Variants in MED27 observed in about 807,000 individuals in gnomAD.
MED27 encodes mediator of RNA polymerase II transcription subunit 27.
Under a neutral mutation model 38.2 loss-of-function variants are expected in MED27, and 30 were observed. That is an observed-to-expected ratio of 0.79 (90% CI 0.59 to 1.07). The LOEUF (loss-of-function observed/expected upper bound fraction) is 1.07. Among genes scored for constraint, MED27 ranks in the 50% least tolerant of loss-of-function variants. The probability of loss-of-function intolerance (pLI) is 0.00; values close to 1 mark genes in which losing one functional copy is unlikely to be tolerated. For missense variants in MED27, 289 were observed against 397.5 expected (o/e 0.73, Z 2.32); for synonymous variants, 122 against 153.5 (o/e 0.79, Z 1.52).
rs1444170782 is a variant in MED27 at position 131,917,541 on chromosome 9, G to A, written c.573+21840C>T. Among the ~76,000 whole-genome samples the A allele has an allele frequency of 1.3e-5, 2 of 152,052 alleles. No individual in the cohort carries two copies. The highest frequency in any genetic ancestry group is 3.2e-3 in the Middle Eastern group (1 of 316). The stretch of plus-strand genomic sequence containing the variant: ...AGCAAGGGTTCAGACGACAGGAGAT[G>A]AGAGCAGTGAAGATGGGGTGGGGGG... On this transcript the variant is annotated intron_variant, in intron 4 of 7. Coordinates refer to ENST00000292035, the MANE Select transcript of MED27 (RefSeq NM_004269.4). The surrounding 1 kb of genome is among the most constrained non-coding windows in gnomAD (Gnocchi z 4.6).
chr9:132,038,823 G>A (rs1232375432), intron 2 of MED27, among the ~76,000 whole-genome samples: 1 of 152,194 alleles, frequency 6.6e-6, no homozygotes, highest in East Asian at 1.9e-4. Context: ...AAGGAGCTGA[G>A]GTGGGTGAGG....
At chr9:131,880,972 G>A (rs1480501775) in intron 6 of MED27, among the ~76,000 whole-genome samples, 4 of 151,566 alleles carry the variant, frequency 2.6e-5, no homozygotes, top group Non-Finnish European at 5.9e-5. Flanking sequence ...GTATTGGAAT[G>A]GAAATGGACC....
At chr9:132,019,041 G>T (rs141409723) in intron 2 of MED27, among the ~76,000 whole-genome samples, 74 of 152,284 alleles carry the variant, frequency 4.9e-4, no homozygotes, top group African/African-American at 1.7e-3. Flanking sequence ...CAAGGGGGTA[G>T]GGAGCCCCAC....
intron 6 of MED27, among the ~76,000 whole-genome samples, chr9:131,874,338 G>A (rs1224383069): frequency 6.6e-6 from 1 of 152,166 alleles, no homozygotes; most frequent in Non-Finnish European, 1.5e-5. Context: ...CCTATGACCA[G>A]ATGCCCCTGT....
At chr9:131,890,648 C>G (rs1839213133) in intron 5 of MED27, among the ~76,000 whole-genome samples, 1 of 152,230 alleles carries the variant, frequency 6.6e-6, no homozygotes, top group African/African-American at 2.4e-5. Context: ...CAGGACTGGG[C>G]TCCTACCGTG....
chr9:131,961,163 A>G (rs1831206796), intron 3 of MED27, among the ~76,000 whole-genome samples: 1 of 152,202 alleles, frequency 6.6e-6, no homozygotes. Flanking sequence ...TAACCCTCCA[A>G]AGTAAGTGAG....
intron 3 of MED27, among the ~76,000 whole-genome samples, chr9:132,010,299 C>T (rs1336976003): frequency 1.3e-5 from 2 of 152,208 alleles, no homozygotes; most frequent in Non-Finnish European, 2.9e-5. Context: ...CATCACTGGC[C>T]ATCAGAGAAA....
chr9:132,039,821 C>A (rs145131896), intron 2 of MED27, among the ~76,000 whole-genome samples: 1 of 152,174 alleles, frequency 6.6e-6, no homozygotes, highest in African/African-American at 2.4e-5. Flanking sequence ...GGTCCTGCCT[C>A]TAGGAGTTTC....
chr9:132,048,931 T>C (rs1833403497), intron 2 of MED27, among the ~76,000 whole-genome samples: 1 of 152,172 alleles, frequency 6.6e-6, no homozygotes, highest in Non-Finnish European at 1.5e-5. Flanking sequence ...GCTTAGTAAA[T>C]GAGAGATGTC....
rs1364551094 is a variant in MED27, at chr9:132,051,546, A to C, written c.348+25896T>G. Among the ~76,000 whole-genome samples, 1 of 152,222 alleles carries C rather than the reference A, an allele frequency of 6.6e-6. No individual in the cohort carries two copies. Among genetic ancestry groups the C allele is most frequent in the African/African-American group, 2.4e-5 (1 of 41,460 alleles). Reference sequence around the variant, plus strand: ...ACTGTGGAAATATGCACAGTGAAGGAAAAAAGGGTTAGGTCAAGCACTCAT... The same window carrying C: ...ACTGTGGAAATATGCACAGTGAAGGCAAAAAGGGTTAGGTCAAGCACTCAT... On this transcript the variant is annotated intron_variant, in intron 2 of 7. Transcript: ENST00000292035. The surrounding 1 kb of genome is among the most constrained non-coding windows in gnomAD (Gnocchi z 4.2).
At chr9:131,986,500 C>T (rs9411330) in intron 3 of MED27, among the ~76,000 whole-genome samples, 149,858 of 152,270 alleles carry the variant, frequency 0.98, 73,775 homozygotes, top group East Asian at 1. Flanking sequence ...TTTTACCTTT[C>T]ATACAGTATT....
intron 3 of MED27, among the ~76,000 whole-genome samples, chr9:131,998,491 G>T (rs958119138): frequency 6.6e-6 from 1 of 152,220 alleles, no homozygotes; most frequent in African/African-American, 2.4e-5. Flanking sequence ...AGGGTAGAAA[G>T]GAGATGCCTT....
intron 3 of MED27, among the ~76,000 whole-genome samples, chr9:131,985,282 A>C (rs1831825383): frequency 6.6e-6 from 1 of 152,150 alleles, no homozygotes; most frequent in African/African-American, 2.4e-5. Context: ...ATTTTACATA[A>C]TACACTAAAA....
At chr9:131,914,563 A>G (rs1183491215) in intron 4 of MED27, among the ~76,000 whole-genome samples, 1 of 152,236 alleles carries the variant, frequency 6.6e-6, no homozygotes, top group Non-Finnish European at 1.5e-5. Context: ...AACAGTCTCT[A>G]TCCTCACAGA....
intron 2 of MED27, among the ~76,000 whole-genome samples, chr9:132,030,696 C>T (rs1454781040): frequency 6.6e-6 from 1 of 152,136 alleles, no homozygotes; most frequent in Non-Finnish European, 1.5e-5. Context: ...TTTTGAAATA[C>T]AAAGATGCTA....
At chr9:131,893,862 A>G (rs1277530809) in intron 5 of MED27, 23 bp downstream of exon 5, 1 of 1,569,852 alleles carries the variant, frequency 6.4e-7, no homozygotes, top group Admixed American at 1.7e-5. Context: ...ACCAAGGAAC[A>G]CACAAGACTG....
intron 3 of MED27, among the ~76,000 whole-genome samples, chr9:132,007,347 C>T (rs919549465): frequency 1.3e-5 from 2 of 152,072 alleles, no homozygotes. Context: ...CTCCAAAGAA[C>T]ATCGAAAAAA....
Position 132,003,843 on chromosome 9 carries a change from T to C in MED27, c.479+10494A>G, listed in dbSNP as rs975540235. Among the ~76,000 whole-genome samples the C allele has an allele frequency of 6.6e-6, 1 of 152,196 alleles. No individual in the cohort carries two copies. The highest frequency in any genetic ancestry group is 6.5e-5 in the Admixed American group (1 of 15,278). On this transcript the variant is annotated intron_variant, in intron 3 of 7. Transcript: ENST00000292035. This position sits in a 1 kb window ranked among gnomAD's most constrained non-coding sequence, Gnocchi z 4.2. ...GTTTAAGGGTACCTCAAACTTGACA[T>C]GCTTCAAATGAAACCCATTAATTTT...
chr9:131,873,551 T>A (rs776202990), intron 6 of MED27, among the ~76,000 whole-genome samples: 1 of 152,154 alleles, frequency 6.6e-6, no homozygotes, highest in Non-Finnish European at 1.5e-5. Context: ...AGAGGAAACA[T>A]CGAAGCCCAC....
Sources: allele counts gnomAD v4.1 joint callset (sites outside exome capture counted in the v4.1 genomes callset), GRCh38; gene constraint gnomAD v4.1.1; non-coding constraint Gnocchi (gnomAD v3.1); transcripts MANE v1.5; gene names NCBI Gene and HGNC (gene_info 2026-07-23, HGNC 2026-07-21).